Variants in PTPRD observed in about 807,000 individuals in gnomAD.
PTPRD encodes the protein receptor-type tyrosine-protein phosphatase delta.
PTPRD carries 34 observed loss-of-function variants against 214.5 expected under a neutral mutation model. That is an observed-to-expected ratio of 0.16 (90% CI 0.12 to 0.21). PTPRD has a LOEUF of 0.21. Ranked by LOEUF, PTPRD falls within the 10% of genes least tolerant of loss-of-function variation. The pLI, the probability that PTPRD is intolerant of heterozygous loss-of-function variation, is 1.00. For synonymous variants in PTPRD, 1,128 were observed against 845.7 expected, an observed-to-expected ratio of 1.33 and a Z score of -5.79; for missense variants, 2,545 against 2,398.7, an observed-to-expected ratio of 1.06 and a Z score of -1.27.
chr9:9,413,538 A>G (rs1346446705), intron 8 of PTPRD, among the ~76,000 whole-genome samples: 1 of 152,226 alleles, frequency 6.6e-6, no homozygotes, highest in East Asian at 1.9e-4. Context: ...TTTATTATTA[A>G]AGGCTTATTC....
At chr9:9,550,022 C>T (rs1026433911) in intron 8 of PTPRD, among the ~76,000 whole-genome samples, 1 of 151,886 alleles carries the variant, frequency 6.6e-6, no homozygotes, top group African/African-American at 2.4e-5. Flanking sequence ...TTTGGTCAAA[C>T]CCCAAATTAA....
chr9:10,443,743 G>C (rs529078745), intron 2 of PTPRD, among the ~76,000 whole-genome samples: 2 of 150,766 alleles, frequency 1.3e-5, no homozygotes, highest in South Asian at 4.2e-4. Context: ...TCCATTACCT[G>C]TTAACTACAA....
At chr9:10,594,983 C>A (rs187394849) in intron 2 of PTPRD, among the ~76,000 whole-genome samples, 518 of 150,704 alleles carry the variant, frequency 3.4e-3, no homozygotes, top group Non-Finnish European at 5.2e-3. Context: ...GAGACATTTT[C>A]CCCCCAAAGC....
intron 7 of PTPRD, among the ~76,000 whole-genome samples, chr9:9,661,178 A>G (rs1039287061): frequency 2.0e-5 from 3 of 151,928 alleles, no homozygotes; most frequent in Admixed American, 2.0e-4. Context: ...CAAATTTTCT[A>G]TAAATATTCA....
intron 5 of PTPRD, among the ~76,000 whole-genome samples, chr9:9,892,213 G>A (rs536956193): frequency 5.9e-5 from 9 of 152,094 alleles, no homozygotes; most frequent in African/African-American, 2.2e-4. Context: ...AATGTAGGAA[G>A]AAAAGTAATA....
intron 3 of PTPRD, among the ~76,000 whole-genome samples, chr9:10,248,368 G>A (rs1186712506): frequency 6.6e-6 from 1 of 151,842 alleles, no homozygotes; most frequent in East Asian, 1.9e-4. Context: ...AGGAAGTTTT[G>A]GCAGCACTTA....
At chr9:10,463,340 C>T (rs374391607) in intron 2 of PTPRD, among the ~76,000 whole-genome samples, 82 of 151,996 alleles carry the variant, frequency 5.4e-4, no homozygotes, top group African/African-American at 2.0e-3. Context: ...AGAAGTTAAG[C>T]AGATGATACA....
At chr9:10,370,154 T>A (rs976309902) in intron 2 of PTPRD, among the ~76,000 whole-genome samples, 1 of 152,092 alleles carries the variant, frequency 6.6e-6, no homozygotes. Flanking sequence ...GGTTTGCTTA[T>A]CAGTAGGACG....
At chr9:10,578,491 C>T (rs117925989) in intron 2 of PTPRD, among the ~76,000 whole-genome samples, 4,050 of 152,072 alleles carry the variant, frequency 0.027, 103 homozygotes, top group East Asian at 0.083. Context: ...CATCAATACA[C>T]GATTCAAAAA....
chr9:10,092,306 A>G (rs1332636268), intron 3 of PTPRD, among the ~76,000 whole-genome samples: 1 of 151,424 alleles, frequency 6.6e-6, no homozygotes, highest in African/African-American at 2.4e-5. Flanking sequence ...AATTTTAGGT[A>G]TCATACATAT....
intron 8 of PTPRD, among the ~76,000 whole-genome samples, chr9:9,559,781 G>A (rs562950597): frequency 4.6e-5 from 7 of 152,296 alleles, no homozygotes; most frequent in Admixed American, 6.5e-5. Flanking sequence ...GTGACAGACC[G>A]TACAGCTGCC....
intron 8 of PTPRD, among the ~76,000 whole-genome samples, chr9:9,474,557 T>C (rs544006696): frequency 9.9e-5 from 15 of 152,244 alleles, no homozygotes; most frequent in African/African-American, 1.7e-4. Context: ...AAAATATTAA[T>C]TCTTCTAGCC....
At chr9:9,098,687 C>G (rs769425790) in intron 10 of PTPRD, among the ~76,000 whole-genome samples, 11 of 152,126 alleles carry the variant, frequency 7.2e-5, no homozygotes, top group Admixed American at 2.6e-4. Flanking sequence ...CTTACATAAA[C>G]TCTTGGCAAC....
chr9:8,334,999 T>C (rs1845181096), intron 43 of PTPRD, among the ~76,000 whole-genome samples: 2 of 151,866 alleles, frequency 1.3e-5, no homozygotes, highest in Admixed American at 6.6e-5. Flanking sequence ...TAACAAGTTC[T>C]GAAATTGAGG....
rs1431765804 is a variant in PTPRD, at chr9:10,183,175, A to T, written c.-544-149385T>A. Reference sequence around the variant, plus strand: ...CAATTTTTTAAAGGAAGTGTTTGCCATTTTTTTAAAGAAACAATACACATT... The same window carrying T: ...CAATTTTTTAAAGGAAGTGTTTGCCTTTTTTTTAAAGAAACAATACACATT... On this transcript the variant is annotated intron_variant, in intron 3 of 45. Transcript: ENST00000381196. Among the ~76,000 whole-genome samples the T allele has an allele frequency of 2.0e-5, 3 of 152,092 alleles. No homozygotes were observed. The East Asian group carries it at 5.8e-4, about 29-fold the overall frequency.
rs536045856 is a variant in PTPRD, at chr9:10,073,220, T to C, written c.-544-39430A>G. Among the ~76,000 whole-genome samples, 3 of 152,162 alleles carry C rather than the reference T, an allele frequency of 2.0e-5. No individual in the cohort carries two copies. The South Asian group carries it at 6.2e-4, about 32-fold the overall frequency. ...CTGTAATGGGATATATATATAGTTG[T>C]GGGATACCAGGATGGAATGCAGGCT... On this transcript the variant is annotated intron_variant, in intron 3 of 45. Transcript: ENST00000381196.
At chr9:8,376,755 C>A (rs1351819215) in intron 37 of PTPRD, 29 bp from the exon 38 acceptor site, 13 of 1,610,140 alleles carry the variant, frequency 8.1e-6, no homozygotes, top group African/African-American at 2.7e-5. Context: ...ACATTCAGGG[C>A]AAATGCTCAT....
intron 7 of PTPRD, among the ~76,000 whole-genome samples, chr9:9,623,791 G>C (rs2095327243): frequency 6.6e-6 from 1 of 152,184 alleles, no homozygotes; most frequent in Admixed American, 6.5e-5. Context: ...CAGTCAACTT[G>C]TGAAAACAAG....
chr9:9,165,029 G>A (rs530728306), intron 10 of PTPRD, among the ~76,000 whole-genome samples: 1 of 144,762 alleles, frequency 6.9e-6, no homozygotes. Flanking sequence ...TCCAGCCTGG[G>A]TGACAGAGCA....
Sources: allele counts gnomAD v4.1 joint callset (sites outside exome capture counted in the v4.1 genomes callset), GRCh38; gene constraint gnomAD v4.1.1; transcripts MANE v1.5; gene names NCBI Gene and HGNC (gene_info 2026-07-23, HGNC 2026-07-21).